The following POT1 variants were observed in gnomAD, a reference collection of about 807,000 sequenced individuals.
The protein encoded by POT1 is protection of telomeres 1.
In POT1, 47 loss-of-function variants were observed where a neutral mutation model predicts 78.5. The observed-to-expected ratio is 0.60, with a 90% CI of 0.47 to 0.76. POT1 has a LOEUF of 0.76. Ranked by LOEUF, POT1 falls within the 30% of genes least tolerant of loss-of-function variation. The pLI, the probability that POT1 is intolerant of heterozygous loss-of-function variation, is 0.00. For missense variants in POT1, 646 were observed against 749.9 expected (o/e 0.86, Z 1.62); for synonymous variants, 259 against 260.7 (o/e 0.99, Z 0.06).
intron 6 of POT1, among the ~76,000 whole-genome samples, chr7:124,882,894 AG>A (rs1796151438): frequency 6.6e-6 from 1 of 152,080 alleles, no homozygotes; most frequent in Non-Finnish European, 1.5e-5. Context: ...AATGAGAAAT[AG>A]CAAAAAATAA....
intron 18 of POT1, 40 bp downstream of exon 18, chr7:124,825,212 A>T: frequency 7.4e-7 from 1 of 1,354,954 alleles, no homozygotes; most frequent in Non-Finnish European, 1.0e-6. Context: ...TGCTATCTCA[A>T]GTAAAAGAAG....
intron 6 of POT1, among the ~76,000 whole-genome samples, chr7:124,872,896 G>A (rs1289383497): frequency 6.6e-6 from 1 of 152,138 alleles, no homozygotes; most frequent in African/African-American, 2.4e-5. Context: ...ATCCTAATAG[G>A]TGTGAAGTGA....
At chr7:124,842,363 A>C (rs1795048531) in intron 13 of POT1, among the ~76,000 whole-genome samples, 1 of 151,988 alleles carries the variant, frequency 6.6e-6, no homozygotes. Context: ...TCAATTACTA[A>C]AGAAAATTTA....
At chr7:124,907,065 G>C (rs1197496638) in intron 3 of POT1, among the ~76,000 whole-genome samples, 1 of 151,870 alleles carries the variant, frequency 6.6e-6, no homozygotes, top group Non-Finnish European at 1.5e-5. Context: ...AACTCAATTG[G>C]GTGAAAAAAG....
At chr7:124,891,390 A>G (rs901987223) in intron 6 of POT1, among the ~76,000 whole-genome samples, 1 of 151,154 alleles carries the variant, frequency 6.6e-6, no homozygotes, top group African/African-American at 2.4e-5. Context: ...ACTTTCATTT[A>G]GCCTATGTGT....
chr7:124,879,569 C>G (rs1183023532), intron 6 of POT1, among the ~76,000 whole-genome samples: 2 of 152,050 alleles, frequency 1.3e-5, no homozygotes, highest in Non-Finnish European at 2.9e-5. Context: ...TCGTTAATGG[C>G]AAACGACATG....
intron 3 of POT1, among the ~76,000 whole-genome samples, chr7:124,905,431 T>C (rs992564697): frequency 5.3e-5 from 8 of 152,178 alleles, no homozygotes; most frequent in African/African-American, 1.9e-4. Flanking sequence ...TAGCCATGTG[T>C]AGAAAGCAGA....
intron 2 of POT1, among the ~76,000 whole-genome samples, chr7:124,926,015 C>A (rs953827984): frequency 1.2e-4 from 18 of 151,864 alleles, no homozygotes; most frequent in African/African-American, 4.4e-4. Flanking sequence ...AGAAGAAAAC[C>A]TAGGAAAAAC....
rs1292678390 is a variant in POT1 at position 124,827,361 on chromosome 7, G to C, written c.1595-56C>G. The C allele has an allele frequency of 3.9e-6, 4 of 1,029,076 alleles. No individual in the cohort carries two copies. In the African/African-American group the frequency reaches 6.6e-5, roughly 17 times the overall value. 63.7% of individuals were successfully genotyped at this position (1,029,076 alleles called of 1,614,324 possible). A position where few individuals can be genotyped will look rare whatever the true frequency, so the allele number is the denominator to read the frequency against. On this transcript the variant is annotated intron_variant, in intron 16 of 18. Coordinates refer to ENST00000357628, the MANE Select transcript of POT1 (RefSeq NM_015450.3). ...GAGTCTGCTATTCCTTATTATCAAG[G>C]TAAAGTTAAAATTGTTTTATGATAG...
At chr7:124,839,968 T>C (rs1036957402) in intron 14 of POT1, among the ~76,000 whole-genome samples, 4 of 151,684 alleles carry the variant, frequency 2.6e-5, no homozygotes, top group Admixed American at 6.6e-5. Context: ...CTCAGTGTTG[T>C]ACATTCTATG....
rs149221680 is a variant in POT1, at chr7:124,822,942, C to T, written c.*1020G>A. 1.1e-3 allele frequency: 177 copies of T among 168,530 alleles called. No individual in the cohort carries two copies. The highest frequency in any genetic ancestry group is 4.0e-3 in the African/African-American group (169 of 42,200). The allele number at this position is 168,530 out of a possible 1,614,324, so 10.4% of individuals were successfully genotyped here. A position where few individuals can be genotyped will look rare whatever the true frequency, so the allele number is the denominator to read the frequency against. The stretch of plus-strand genomic sequence containing the variant: ...AGATGTTTAAGTCAAAGACTCGTTG[C>T]AGAAAACTGTTAGCTTCTGTTCCAG... On this transcript the variant is annotated 3_prime_UTR_variant, in exon 19 of 19. Coordinates refer to ENST00000357628, the MANE Select transcript of POT1 (RefSeq NM_015450.3).
At chr7:124,870,781 C>T in intron 7 of POT1, 130 bp downstream of exon 7, 1 of 621,496 alleles carries the variant, frequency 1.6e-6, no homozygotes. Flanking sequence ...ATTTACATTA[C>T]TTCTTATCTC....
chr7:124,860,005 T>C (rs1394804893), intron 8 of POT1, among the ~76,000 whole-genome samples: 1 of 152,070 alleles, frequency 6.6e-6, no homozygotes, highest in Non-Finnish European at 1.5e-5. Flanking sequence ...ATATTAATAT[T>C]GTGCCCAGGT....
chr7:124,884,181 TTACATAACAAAA>T (rs1412945865), intron 6 of POT1, among the ~76,000 whole-genome samples: 2 of 152,004 alleles, frequency 1.3e-5, no homozygotes, highest in Non-Finnish European at 2.9e-5. Context: ...ATAATCAATA[TTACATAACAAAA>T]AACAGCATTC....
intron 6 of POT1, among the ~76,000 whole-genome samples, chr7:124,878,886 A>G (rs1478677031): frequency 2.6e-5 from 4 of 152,112 alleles, no homozygotes; most frequent in Non-Finnish European, 4.4e-5. Flanking sequence ...ATGACAAAAG[A>G]TAAGTAAAGG....
chr7:124,843,554 C>A (rs116019569), intron 12 of POT1, among the ~76,000 whole-genome samples: 2,595 of 151,876 alleles, frequency 0.017, 71 homozygotes, highest in African/African-American at 0.059. Flanking sequence ...GAAGTTGAGT[C>A]AAACTGGAAA....
At chr7:124,889,227 T>C (rs1796313201) in intron 6 of POT1, among the ~76,000 whole-genome samples, 1 of 152,058 alleles carries the variant, frequency 6.6e-6, no homozygotes, top group Non-Finnish European at 1.5e-5. Context: ...GTCGTCTGCA[T>C]AGATGATCAA....
intron 6 of POT1, among the ~76,000 whole-genome samples, chr7:124,880,539 C>T (rs1247505184): frequency 6.6e-6 from 1 of 151,986 alleles, no homozygotes; most frequent in Non-Finnish European, 1.5e-5. Flanking sequence ...GTAATGACTA[C>T]AGAAAACTAT....
intron 8 of POT1, among the ~76,000 whole-genome samples, chr7:124,862,345 AGTT>A (rs1384818324): frequency 6.6e-6 from 1 of 152,204 alleles, no homozygotes. Context: ...GGAAGTGTTC[AGTT>A]GTTAGCAAAT....
Sources: gnomAD v4.1 joint callset for allele counts (sites outside exome capture counted in the v4.1 genomes callset) on GRCh38, gnomAD v4.1.1 for gene constraint, MANE v1.5 for transcripts, NCBI Gene and HGNC (gene_info 2026-07-23, HGNC 2026-07-21) for gene names.